Variants in NTAQ1 observed in about 807,000 individuals in gnomAD.
The protein encoded by NTAQ1 is protein N-terminal glutamine amidohydrolase.
In NTAQ1, 21 loss-of-function variants were observed where a neutral mutation model predicts 28.2. The observed-to-expected ratio is 0.74, with a 90% CI of 0.53 to 1.07. The LOEUF (loss-of-function observed/expected upper bound fraction) is 1.07. Ranked by LOEUF, NTAQ1 falls within the 50% of genes least tolerant of loss-of-function variation. The probability of loss-of-function intolerance (pLI) is 0.00; values close to 1 mark genes in which losing one functional copy is unlikely to be tolerated. For synonymous variants in NTAQ1, 105 were observed against 90.0 expected (o/e 1.17, Z -0.94); for missense variants, 264 against 256.6 (o/e 1.03, Z -0.20).
chr8:123,435,566 T>C (rs190855050), intron 3 of NTAQ1: 14 of 979,202 alleles, frequency 1.4e-5, no homozygotes, highest in Non-Finnish European at 1.7e-5. Flanking sequence ...TACAGATAGC[T>C]TTTAACAAAT....
At chr8:123,473,511 C>G (rs912660539), downstream of NTAQ1, among the ~76,000 whole-genome samples, 1 of 152,104 alleles carries the variant, frequency 6.6e-6, no homozygotes, top group African/African-American at 2.4e-5. Context: ...CTAGGCTGGT[C>G]TCGAACTCCT....
chr8:123,425,752 G>C (rs1044528511), intron 1 of NTAQ1, among the ~76,000 whole-genome samples: 1 of 152,086 alleles, frequency 6.6e-6, no homozygotes, highest in African/African-American at 2.4e-5. Flanking sequence ...GCTCACACCT[G>C]TAATCCCAGT....
chr8:123,425,060 A>G (rs1396363083), intron 1 of NTAQ1, among the ~76,000 whole-genome samples: 1 of 152,126 alleles, frequency 6.6e-6, no homozygotes, highest in Non-Finnish European at 1.5e-5. Flanking sequence ...GTGACGTAAT[A>G]TGACATATAC....
chr8:123,427,975 T>C lies in NTAQ1; in HGVS notation c.135T>C (p.Tyr45=). 6.2e-7 allele frequency: 1 copy of C among 1,611,576 alleles called. No individual in the cohort carries two copies. The highest frequency in any genetic ancestry group is 8.5e-7 in the Non-Finnish European group (1 of 1,179,244). Residue 45 remains tyrosine (Y), a synonymous_variant, in exon 2 of 6, where the codon TAT becomes TAC. Transcript: ENST00000287387. ...AATACATCAAAAACCATGACCAGTA[T>C]CCTTTAGAAGAATGTTATGCTGTCT... ...LCEYIKNHDQ[Y]PLEECYAVFI... is the part of the protein sequence containing the mutation.
chr8:123,451,392 G>T (rs1286322857), downstream of NTAQ1, among the ~76,000 whole-genome samples: 1 of 152,178 alleles, frequency 6.6e-6, no homozygotes, highest in Non-Finnish European at 1.5e-5. Flanking sequence ...AGGCTGGGGT[G>T]CAGTGGCGTG....
chr8:123,454,441 TCAC>T lies in NTAQ1; in HGVS notation c.373-12634_373-12632del, dbSNP rs776103485. 2.0e-5 allele frequency among the ~76,000 whole-genome samples: 3 copies of T among 152,292 alleles called. No homozygotes were observed. The South Asian group carries it at 6.2e-4, about 32-fold the overall frequency. On this transcript the variant is annotated intron_variant, in intron 6 of 6. Coordinates refer to the NTAQ1 transcript ENST00000650311. ...TGGAGTGCAATGGTGCGATCTCAGC[TCAC>T]CACAACTCCACCTCCCAGGTTCAAG...
exon 7 of NTAQ1, among the ~76,000 whole-genome samples, chr8:123,468,154 G>A (rs1483698936): frequency 6.6e-6 from 1 of 152,210 alleles, no homozygotes; most frequent in Non-Finnish European, 1.5e-5. Flanking sequence ...CCCAAAGGGG[G>A]TAGTGGGGTA....
At chr8:123,444,419 C>T (rs1445135876), downstream of NTAQ1, among the ~76,000 whole-genome samples, 2 of 152,202 alleles carry the variant, frequency 1.3e-5, no homozygotes, top group African/African-American at 4.8e-5. Context: ...AGGCTAGTCT[C>T]GAACTCCTGA....
chr8:123,427,802 G>T (rs1814153953), intron 1 of NTAQ1, 122 bp from the exon 2 acceptor site: 1 of 737,490 alleles, frequency 1.4e-6, no homozygotes, highest in Non-Finnish European at 2.2e-6. Context: ...TTAGCCAGTT[G>T]TTGGATGACA....
chr8:123,431,887 G>A (rs1413031407), intron 3 of NTAQ1, among the ~76,000 whole-genome samples: 1 of 152,208 alleles, frequency 6.6e-6, no homozygotes, highest in Non-Finnish European at 1.5e-5. Flanking sequence ...GATGGTCCGT[G>A]TGCACGAGAA....
downstream of NTAQ1, among the ~76,000 whole-genome samples, chr8:123,448,497 C>T (rs969209232): frequency 6.6e-6 from 1 of 152,172 alleles, no homozygotes; most frequent in Non-Finnish European, 1.5e-5. Flanking sequence ...CCTGTAATCC[C>T]AGTTACTCGG....
chr8:123,458,127 G>C (rs1586968293), intron 6 of NTAQ1, among the ~76,000 whole-genome samples: 1 of 113,506 alleles, frequency 8.8e-6, no homozygotes, highest in East Asian at 2.6e-4. Flanking sequence ...GTAGAGACAA[G>C]GTCTTGCTAT....
At chr8:123,445,339 AC>A (rs1815234756), downstream of NTAQ1, among the ~76,000 whole-genome samples, 1 of 151,914 alleles carries the variant, frequency 6.6e-6, no homozygotes, top group Admixed American at 6.6e-5. Context: ...CCTTCACTAA[AC>A]AAAGAAAAAT....
chr8:123,427,909 ATTATT>A lies in NTAQ1; in HGVS notation c.84-8_84-4del. On this transcript the variant is annotated splice_polypyrimidine_tract_variant and intron_variant, in intron 1 of 5. Transcript: ENST00000287387. ...AATGTTCTCTAATCTTGATTAAACA[ATTATT>A]TTATTTCAGTGAAGAAAATATTTGG... 1 of 1,560,406 alleles carries A rather than the reference ATTATT, an allele frequency of 6.4e-7. No homozygotes were observed. The highest frequency in any genetic ancestry group is 8.7e-7 in the Non-Finnish European group (1 of 1,144,212).
intron 2 of NTAQ1, among the ~76,000 whole-genome samples, chr8:123,428,876 A>G (rs1335059278): frequency 4.6e-5 from 7 of 152,126 alleles, no homozygotes; most frequent in Non-Finnish European, 8.8e-5. Flanking sequence ...TGGTGGGATT[A>G]CCAGCATGAG....
At chr8:123,450,854 T>C (rs926948832), downstream of NTAQ1, among the ~76,000 whole-genome samples, 1 of 152,260 alleles carries the variant, frequency 6.6e-6, no homozygotes, top group African/African-American at 2.4e-5. Context: ...TTCTGCTTCA[T>C]GTCTCCTTCA....
At chr8:123,461,919 A>T (rs1245082110) in intron 6 of NTAQ1, among the ~76,000 whole-genome samples, 1 of 152,210 alleles carries the variant, frequency 6.6e-6, no homozygotes, top group Non-Finnish European at 1.5e-5. Flanking sequence ...GCAAAAGCCC[A>T]GGAGGCCCAC....
At chr8:123,429,802 C>T (rs897735421) in intron 2 of NTAQ1, among the ~76,000 whole-genome samples, 181 bp from the exon 3 acceptor site, 2 of 150,796 alleles carry the variant, frequency 1.3e-5, no homozygotes, top group Non-Finnish European at 2.9e-5. Flanking sequence ...ATTGCTTGAA[C>T]CCGGGAGGTG....
At chr8:123,417,026 C>A in intron 1 of NTAQ1, 94 bp downstream of exon 1, 2 of 1,241,824 alleles carry the variant, frequency 1.6e-6, no homozygotes, top group African/African-American at 1.6e-5. Flanking sequence ...TCCTCGGGGG[C>A]GCTCCCGGCC....
Sources: gnomAD v4.1 joint callset for allele counts (sites outside exome capture counted in the v4.1 genomes callset) on GRCh38, gnomAD v4.1.1 for gene constraint, MANE v1.5 for transcripts, NCBI Gene and HGNC (gene_info 2026-07-23, HGNC 2026-07-21) for gene names.